Variants in ERFL observed in about 807,000 individuals in gnomAD.
The protein encoded by ERFL is ETS repressor factor like, also known as ETS domain-containing transcription factor ERF-like.
ERFL carries 8 observed loss-of-function variants against 27.9 expected under a neutral mutation model. The ratio of observed to expected loss-of-function variants is 0.29; its 90% CI spans 0.17 to 0.52. The LOEUF (loss-of-function observed/expected upper bound fraction) is 0.52, where lower values mean the gene tolerates loss of function less well. ERFL is among the 20% of genes least tolerant of loss of function. The pLI, the probability that ERFL is intolerant of heterozygous loss-of-function variation, is 0.97. For missense variants in ERFL, 294 were observed against 444.4 expected, an observed-to-expected ratio of 0.66 and a Z score of 3.04; for synonymous variants, 174 against 202.8, an observed-to-expected ratio of 0.86 and a Z score of 1.21.
At chr19:41,912,445 G>A (rs535399584) in intron 2 of ERFL, among the ~76,000 whole-genome samples, 1 of 152,308 alleles carries the variant, frequency 6.6e-6, no homozygotes, top group Admixed American at 6.5e-5. Context: ...ACGTACCCCT[G>A]ACTGGGCAGT....
At chr19:41,920,344 GCACT>G (rs1555852355) in intron 1 of ERFL, among the ~76,000 whole-genome samples, 1 of 137,340 alleles carries the variant, frequency 7.3e-6, no homozygotes, top group East Asian at 2.2e-4. Flanking sequence ...CAGACGTGAT[GCACT>G]CAGACGTGAC....
intron 1 of ERFL, among the ~76,000 whole-genome samples, chr19:41,918,156 T>G (rs1303560911): frequency 6.6e-6 from 1 of 151,884 alleles, no homozygotes; most frequent in Admixed American, 6.6e-5. Flanking sequence ...CTGACCCTGG[T>G]TGGGGGTGCC....
chr19:41,913,966 A>G (rs183615902), intron 1 of ERFL, among the ~76,000 whole-genome samples: 1 of 149,294 alleles, frequency 6.7e-6, no homozygotes, highest in East Asian at 2.0e-4. Flanking sequence ...GACGCTCTCA[A>G]AAACCCACTC....
chr19:41,914,635 GTCTCTCCCTCCCTTTCCACCA>G (rs2074780284), intron 1 of ERFL, among the ~76,000 whole-genome samples: 3 of 24,062 alleles, frequency 1.2e-4, no homozygotes, highest in Admixed American at 8.5e-4. Flanking sequence ...CTCTGTCTCT[GTCTCTCCCTCCCTTTCCACCA>G]TCTCTGTCTC....
chr19:41,909,790 A>G lies in ERFL; in HGVS notation c.302+73T>C, dbSNP rs1483866748. ...GGATCCAGCAGGAACCTGCCCCAGG[A>G]TGCAGAGGGGGCACCAGAGGGACAG... On this transcript the variant is annotated intron_variant, in intron 3 of 5. Coordinates refer to ENST00000597630, the MANE Select transcript of ERFL (RefSeq NM_001365103.2). This position sits in a 1 kb window ranked among gnomAD's most constrained non-coding sequence, Gnocchi z 5.2. 3 of 1,449,240 alleles carry G rather than the reference A, an allele frequency of 2.1e-6. No individual in the cohort carries two copies. The highest frequency in any genetic ancestry group is 1.9e-6 in the Non-Finnish European group (2 of 1,078,100). 89.8% of individuals were successfully genotyped at this position (1,449,240 alleles called of 1,614,324 possible).
intron 1 of ERFL, among the ~76,000 whole-genome samples, chr19:41,914,347 GTCTC>G (rs1260692619): frequency 1.4e-5 from 2 of 144,070 alleles, no homozygotes; most frequent in African/African-American, 2.6e-5. Context: ...TTCCATTTCT[GTCTC>G]TCTCCTCCAC....
chr19:41,928,020 C>G lies in ERFL; in HGVS notation c.-14+20G>C, dbSNP rs1326809219. ...CCCCGCCCCCTCCCCGCCCCTGCGC[C>G]GGCCGCGGCGCTCACTCACTTTCTG... On this transcript the variant is annotated intron_variant, in intron 1 of 5. Transcript: ENST00000597630. 1 of 152,202 alleles carries G rather than the reference C, an allele frequency of 6.6e-6. No homozygotes were observed. The highest frequency in any genetic ancestry group is 1.9e-4 in the East Asian group (1 of 5,172). 9.4% of individuals were successfully genotyped at this position (152,202 alleles called of 1,614,324 possible).
chr19:41,920,063 G>A (rs568806399), intron 1 of ERFL, among the ~76,000 whole-genome samples: 7 of 120,914 alleles, frequency 5.8e-5, no homozygotes, highest in East Asian at 2.3e-4. Context: ...GACACACCCA[G>A]ATGTGACACA....
At chr19:41,924,966 G>C (rs1186367915) in intron 1 of ERFL, among the ~76,000 whole-genome samples, 3 of 152,122 alleles carry the variant, frequency 2.0e-5, no homozygotes, top group African/African-American at 7.2e-5. Flanking sequence ...GTGTGCAGTG[G>C]GTTCCCAATG....
At chr19:41,913,909 AC>A (rs782112313) in intron 1 of ERFL, among the ~76,000 whole-genome samples, 1 of 129,638 alleles carries the variant, frequency 7.7e-6, no homozygotes, top group Non-Finnish European at 1.7e-5. Context: ...CCTCACTGCC[AC>A]CCTCACACCC....
rs1247914120 is a variant in ERFL at position 41,917,079 on chromosome 19, G to A, written c.-13-4147C>T. On this transcript the variant is annotated intron_variant, in intron 1 of 5. Transcript: ENST00000597630. The surrounding 1 kb of genome is among the most constrained non-coding windows in gnomAD (Gnocchi z 4.8). ...AGACCTGCTTCTGTGACTGCCTCTC[G>A]AGACACAGGTCTCTCGGTCTCTCTC... 2.6e-5 allele frequency among the ~76,000 whole-genome samples: 4 copies of A among 152,064 alleles called. No homozygotes were observed. The highest frequency in any genetic ancestry group is 2.1e-4 in the South Asian group (1 of 4,822).
At chr19:41,919,510 C>G (rs546245372) in intron 1 of ERFL, among the ~76,000 whole-genome samples, 1 of 133,846 alleles carries the variant, frequency 7.5e-6, no homozygotes, top group South Asian at 2.2e-4. Context: ...CACGTGCACG[C>G]GTACACACAC....
chr19:41,920,384 A>T (rs1409519532), intron 1 of ERFL, among the ~76,000 whole-genome samples: 3 of 142,550 alleles, frequency 2.1e-5, no homozygotes, highest in Non-Finnish European at 4.5e-5. Flanking sequence ...GTTCACAGAC[A>T]TGACATGCCC....
At chr19:41,926,791 G>A (rs566075554) in intron 1 of ERFL, among the ~76,000 whole-genome samples, 6 of 152,186 alleles carry the variant, frequency 3.9e-5, no homozygotes, top group Admixed American at 1.3e-4. Context: ...CAGAGCGACC[G>A]ATCGATTCGC....
chr19:41,923,424 G>A (rs879991064), intron 1 of ERFL, among the ~76,000 whole-genome samples: 11 of 151,412 alleles, frequency 7.3e-5, no homozygotes, highest in Admixed American at 6.6e-4. Flanking sequence ...GACAACCAGA[G>A]AAATACAGAG....
At chr19:41,920,112 A>T (rs1466405514) in intron 1 of ERFL, among the ~76,000 whole-genome samples, 1 of 125,444 alleles carries the variant, frequency 8.0e-6, no homozygotes, top group Non-Finnish European at 1.6e-5. Flanking sequence ...ACACTCACAG[A>T]CATGACACGC....
rs1331087219 is a variant in ERFL, at chr19:41,908,057, G to T, written c.*171C>A. 6 of 457,308 alleles carry T rather than the reference G, an allele frequency of 1.3e-5. No homozygotes were observed. Among genetic ancestry groups the T allele is most frequent in the Non-Finnish European group, 2.1e-5 (6 of 280,886 alleles). The allele number at this position is 457,308 out of a possible 1,614,324, so 28.3% of individuals were successfully genotyped here. ...TCACATTCCCTCTGTCCTCTGTGGAGGGGGAAGTGAGACCCCCCCCACTCT... is the reference window on the plus strand; with the variant it reads ...TCACATTCCCTCTGTCCTCTGTGGATGGGGAAGTGAGACCCCCCCCACTCT... On this transcript the variant is annotated 3_prime_UTR_variant, in exon 6 of 6. Coordinates refer to ENST00000597630, the MANE Select transcript of ERFL (RefSeq NM_001365103.2). This position sits in a 1 kb window ranked among gnomAD's most constrained non-coding sequence, Gnocchi z 6.7.
At chr19:41,915,278 C>A (rs868962121) in intron 1 of ERFL, among the ~76,000 whole-genome samples, 6 of 151,450 alleles carry the variant, frequency 4.0e-5, no homozygotes, top group African/African-American at 1.5e-4. Flanking sequence ...ACGCTCCCCC[C>A]GCCGTGTCTC....
At position 41,909,987 on chromosome 19, in the gene ERFL, C is replaced by T. The variant is rs951575192; in HGVS notation, c.178G>A (p.Val60Ile). 6.8e-5 allele frequency: 109 copies of T among 1,613,708 alleles called. No individual in the cohort carries two copies. Among genetic ancestry groups the T allele is most frequent in the Admixed American group, 1.3e-4 (8 of 60,000 alleles). Residue 60 changes from valine (V) to isoleucine (I), a missense_variant, in exon 3 of 6, where the codon GTC (valine) becomes ATC (isoleucine). By Grantham distance (29) the Val-to-Ile change is conservative. Around this residue, in one of 3 missense-constraint regions of ERFL, gnomAD observed 10 missense variants for 37.7 expected, o/e 0.27. Coordinates refer to ENST00000597630, the MANE Select transcript of ERFL (RefSeq NM_001365103.2). The surrounding 1 kb of genome is among the most constrained non-coding windows in gnomAD (Gnocchi z 5.2). The part of the protein sequence containing the change: ...ELLQKEEYQG[V>I]IAWQGDYGEF... ...CCGTAGTCCCCCTGCCAGGCTATGA[C>T]GCCCTGGTACTCCTCCTTCTGCAGC...
Sources: gnomAD v4.1 joint callset for allele counts (sites outside exome capture counted in the v4.1 genomes callset) on GRCh38, gnomAD v4.1.1 for gene constraint, gnomAD v4.1.1 regional missense constraint, Gnocchi (gnomAD v3.1) non-coding constraint, MANE v1.5 for transcripts, NCBI Gene and HGNC (gene_info 2026-07-23, HGNC 2026-07-21) for gene names.